The following SEMA6D variants were observed in gnomAD, a reference collection of about 807,000 sequenced individuals.
The protein encoded by SEMA6D is semaphorin 6D, also known as semaphorin-6D.
In SEMA6D, 35 loss-of-function variants were observed where a neutral mutation model predicts 106.6. That is an observed-to-expected ratio of 0.33 (90% CI 0.25 to 0.44). The LOEUF (loss-of-function observed/expected upper bound fraction) is 0.44, where lower values mean the gene tolerates loss of function less well. Ranked by LOEUF, SEMA6D falls within the 20% of genes least tolerant of loss-of-function variation. The pLI is 1.00. For missense variants in SEMA6D, 1,185 were observed against 1,345.9 expected (o/e 0.88, Z 1.87); for synonymous variants, 499 against 487.7 (o/e 1.02, Z -0.31).
In SEMA6D at chr15:47,763,178, A is replaced by ATGCT. The variant is rs1411610581; in HGVS notation, c.747+75_747+78dup. 3.5e-6 allele frequency: 4 copies of ATGCT among 1,156,032 alleles called. No individual in the cohort carries two copies. In the Admixed American group the frequency reaches 9.0e-5, roughly 26 times the overall value. The allele number at this position is 1,156,032 out of a possible 1,614,324, so 71.6% of individuals were successfully genotyped here. On this transcript the variant is annotated intron_variant, in intron 9 of 18. Coordinates refer to ENST00000536845, the MANE Select transcript of SEMA6D (RefSeq NM_001358351.3). The stretch of plus-strand genomic sequence containing the variant: ...TGAGACCACTGTGATAGAGTTAAGG[A>ATGCT]TGCTCACTTGGCATGTTTTCCAGCT...
rs556032650 is a variant in SEMA6D, at chr15:47,504,006, G to T, written c.-87+33461G>T. Among the ~76,000 whole-genome samples, 3 of 152,238 alleles carry T rather than the reference G, an allele frequency of 2.0e-5. No individual in the cohort carries two copies. In the East Asian group the frequency reaches 5.8e-4, roughly 29 times the overall value. On this transcript the variant is annotated intron_variant, in intron 3 of 19. Coordinates refer to the SEMA6D transcript ENST00000558014. Reference sequence around the variant, plus strand: ...TCCTGGTAAAGGAGACAGAGAACCTGGTAGGAACCCCGAGGCTCAGTTTCC... The same window carrying T: ...TCCTGGTAAAGGAGACAGAGAACCTTGTAGGAACCCCGAGGCTCAGTTTCC...
intron 1 of SEMA6D, among the ~76,000 whole-genome samples, chr15:47,316,517 A>G (rs935608743): frequency 6.6e-6 from 1 of 151,392 alleles, no homozygotes; most frequent in Non-Finnish European, 1.5e-5. Flanking sequence ...ACAATTAAGT[A>G]TGATGTTAGC....
intron 1 of SEMA6D, chr15:47,274,802 C>A (rs1034586582): frequency 6.6e-6 from 1 of 152,172 alleles, no homozygotes; most frequent in African/African-American, 2.4e-5. Flanking sequence ...TCATCTCAGC[C>A]TCCTGGACCA....
intron 1 of SEMA6D, among the ~76,000 whole-genome samples, chr15:47,752,167 T>TAGGTTTATATTCTGAAAA (rs2081478344): frequency 6.6e-6 from 1 of 152,196 alleles, no homozygotes; most frequent in Non-Finnish European, 1.5e-5. Flanking sequence ...ATGCCATGAT[T>TAGGTTTATATTCTGAAAA]AGGTTTATAT....
At chr15:47,757,025 G>A (rs1231886714) in intron 1 of SEMA6D, among the ~76,000 whole-genome samples, 3 of 152,008 alleles carry the variant, frequency 2.0e-5, no homozygotes, top group Non-Finnish European at 4.4e-5. Context: ...TTTCTGCAGT[G>A]TCAGATGAAT....
chr15:47,489,425 C>G (rs915226391), intron 3 of SEMA6D, among the ~76,000 whole-genome samples: 1 of 152,166 alleles, frequency 6.6e-6, no homozygotes, highest in Non-Finnish European at 1.5e-5. Context: ...TTCACTCACT[C>G]AGATATTTGA....
intron 1 of SEMA6D, among the ~76,000 whole-genome samples, chr15:47,296,930 G>A (rs188657927): frequency 4.6e-4 from 70 of 152,172 alleles, no homozygotes; most frequent in Admixed American, 4.3e-3. Flanking sequence ...TTTACATTTC[G>A]GTCTGTAAAA....
At chr15:47,542,365 G>A (rs1175268108) in intron 3 of SEMA6D, among the ~76,000 whole-genome samples, 2 of 152,122 alleles carry the variant, frequency 1.3e-5, no homozygotes, top group African/African-American at 4.8e-5. Context: ...CCATCCTTAG[G>A]ATCTCCATTA....
At chr15:47,382,629 A>G (rs1043410346) in intron 1 of SEMA6D, among the ~76,000 whole-genome samples, 2 of 152,266 alleles carry the variant, frequency 1.3e-5, no homozygotes. Flanking sequence ...TGCTCAATAT[A>G]GGTAGAATAT....
chr15:47,444,551 C>T (rs2041973793), intron 2 of SEMA6D, among the ~76,000 whole-genome samples: 2 of 152,124 alleles, frequency 1.3e-5, no homozygotes, highest in Admixed American at 1.3e-4. Context: ...GGAAAATACT[C>T]AGTTGCATCC....
intron 1 of SEMA6D, chr15:47,730,042 T>TTA: frequency 1.6e-6 from 1 of 625,412 alleles, no homozygotes; most frequent in Admixed American, 2.7e-5. Context: ...AATGCTATGT[T>TTA]TATCTTCCCA....
intron 4 of SEMA6D, among the ~76,000 whole-genome samples, chr15:47,689,994 G>A (rs1411374555): frequency 6.6e-6 from 1 of 152,180 alleles, no homozygotes; most frequent in Non-Finnish European, 1.5e-5. Context: ...TCCTGGGCAG[G>A]CCAGTTCTGC....
Position 47,290,918 on chromosome 15 carries a change from G to A in SEMA6D, c.-239+106500G>A, listed in dbSNP as rs138736190. Reference sequence around the variant, plus strand: ...CAGATAACAGAGTTGTATAATTCAGGTTCCTCTACAAAGACATGGAAATAG... The same window carrying A: ...CAGATAACAGAGTTGTATAATTCAGATTCCTCTACAAAGACATGGAAATAG... On this transcript the variant is annotated intron_variant, in intron 1 of 19. Transcript: ENST00000558014. Among the ~76,000 whole-genome samples, 9 of 152,298 alleles carry A rather than the reference G, an allele frequency of 5.9e-5. No individual in the cohort carries two copies. In the East Asian group the frequency reaches 1.5e-3, roughly 26 times the overall value.
intron 4 of SEMA6D, among the ~76,000 whole-genome samples, chr15:47,679,314 C>T (rs535703525): frequency 5.6e-4 from 85 of 152,162 alleles, no homozygotes; most frequent in African/African-American, 2.0e-3. Flanking sequence ...TAGGCAATTG[C>T]CTTATGTATA....
chr15:47,612,376 A>G (rs1808177672), intron 4 of SEMA6D, among the ~76,000 whole-genome samples: 1 of 152,198 alleles, frequency 6.6e-6, no homozygotes, highest in Admixed American at 6.5e-5. Context: ...GCCTACCTAA[A>G]CAGAAGAAAT....
chr15:47,208,540 C>T (rs1237560318), intron 1 of SEMA6D, among the ~76,000 whole-genome samples: 3 of 152,122 alleles, frequency 2.0e-5, no homozygotes, highest in African/African-American at 7.2e-5. Flanking sequence ...CATCATTACA[C>T]TATACTGCTA....
intron 3 of SEMA6D, among the ~76,000 whole-genome samples, chr15:47,543,886 A>G (rs1419236085): frequency 6.6e-6 from 1 of 152,156 alleles, no homozygotes; most frequent in Non-Finnish European, 1.5e-5. Flanking sequence ...TAAAGTTTAT[A>G]AAGATGGATA....
At chr15:47,195,911 C>G (rs17283647) in intron 1 of SEMA6D, among the ~76,000 whole-genome samples, 22,333 of 144,234 alleles carry the variant, frequency 0.15, 2,013 homozygotes, top group Middle Eastern at 0.27. Context: ...CGTGGGTGAG[C>G]GTGTGGATGA....
At chr15:47,757,898 G>A (rs28509356) in intron 1 of SEMA6D, among the ~76,000 whole-genome samples, 104,669 of 151,946 alleles carry the variant, frequency 0.69, 37,202 homozygotes, top group African/African-American at 0.87. Context: ...CTTCCTTTTC[G>A]CTCTGAGAAG....
Sources: allele counts gnomAD v4.1 joint callset (sites outside exome capture counted in the v4.1 genomes callset), GRCh38; gene constraint gnomAD v4.1.1; transcripts MANE v1.5; gene names NCBI Gene and HGNC (gene_info 2026-07-23, HGNC 2026-07-21).